Variants in ARHGAP24 observed in about 807,000 individuals in gnomAD.
The protein encoded by ARHGAP24 is Rho GTPase activating protein 24, also known as rho GTPase-activating protein 24.
ARHGAP24 carries 50 observed loss-of-function variants against 76.4 expected under a neutral mutation model. The ratio of observed to expected loss-of-function variants is 0.65; its 90% CI spans 0.52 to 0.83. ARHGAP24 has a LOEUF of 0.83. ARHGAP24 is among the 40% of genes least tolerant of loss of function. ARHGAP24 has a pLI of 0.00. For missense variants in ARHGAP24, 930 were observed against 914.2 expected (o/e 1.02, Z -0.22); for synonymous variants, 345 against 323.3 (o/e 1.07, Z -0.72).
intron 3 of ARHGAP24, among the ~76,000 whole-genome samples, chr4:85,878,507 G>A (rs1297112423): frequency 6.6e-6 from 1 of 151,914 alleles, no homozygotes; most frequent in Non-Finnish European, 1.5e-5. Context: ...TAAGACCCCT[G>A]TTGATAAAAA....
rs76542985 is a variant in ARHGAP24 at position 85,697,576 on chromosome 4, G to C, written c.181-24309G>C. 2.9e-3 allele frequency among the ~76,000 whole-genome samples: 441 copies of C among 152,354 alleles called. 5 individuals are homozygous for C. The highest frequency in any genetic ancestry group is 0.01 in the African/African-American group (428 of 41,572). ...TAACATACTGCTGGCAGTAAGCTCA[G>C]CTGTGTAGCAGATAGTGAATAGGAT... On this transcript the variant is annotated intron_variant, in intron 2 of 9. Transcript: ENST00000395184.
chr4:85,912,301 T>C (rs1042482602), intron 3 of ARHGAP24, among the ~76,000 whole-genome samples: 11 of 152,054 alleles, frequency 7.2e-5, no homozygotes, highest in African/African-American at 2.7e-4. Flanking sequence ...GAGTTTAAAT[T>C]CCAGGCCCAT....
At chr4:85,579,267 T>C (rs1051588716) in intron 2 of ARHGAP24, among the ~76,000 whole-genome samples, 1 of 152,210 alleles carries the variant, frequency 6.6e-6, no homozygotes, top group Non-Finnish European at 1.5e-5. Context: ...ATTCAATATA[T>C]GGAACCAGGT....
intron 1 of ARHGAP24, among the ~76,000 whole-genome samples, chr4:85,566,423 T>TGAAATGCCC (rs1726847666): frequency 6.6e-6 from 1 of 152,240 alleles, no homozygotes; most frequent in Non-Finnish European, 1.5e-5. Flanking sequence ...TTTCAGGTTC[T>TGAAATGCCC]TTCAAGTGTA....
chr4:85,588,697 T>C (rs1024257820), intron 2 of ARHGAP24, among the ~76,000 whole-genome samples: 3 of 152,258 alleles, frequency 2.0e-5, no homozygotes, highest in Admixed American at 1.3e-4. Flanking sequence ...TATTGACTTC[T>C]ACTTTTCTTT....
At chr4:85,541,274 C>T (rs550381123) in intron 1 of ARHGAP24, among the ~76,000 whole-genome samples, 6 of 136,348 alleles carry the variant, frequency 4.4e-5, no homozygotes, top group Non-Finnish European at 9.0e-5. Flanking sequence ...CTGCCTCAGC[C>T]TCCCAAGTAG....
intron 3 of ARHGAP24, among the ~76,000 whole-genome samples, chr4:85,731,348 T>C (rs1293103039): frequency 1.3e-5 from 2 of 152,212 alleles, no homozygotes; most frequent in African/African-American, 4.8e-5. Flanking sequence ...GTCTGTGTTC[T>C]CTTCCTTCCC....
At chr4:85,766,983 C>A (rs1726952691) in intron 3 of ARHGAP24, among the ~76,000 whole-genome samples, 1 of 152,130 alleles carries the variant, frequency 6.6e-6, no homozygotes. Flanking sequence ...TGTTTGGATA[C>A]ACAGTATTTA....
intron 1 of ARHGAP24, among the ~76,000 whole-genome samples, chr4:85,540,132 C>T (rs1725620354): frequency 6.6e-6 from 1 of 151,584 alleles, no homozygotes; most frequent in Non-Finnish European, 1.5e-5. Flanking sequence ...ATTTTTAAAC[C>T]ACTCATCACA....
chr4:85,764,164 C>G (rs1366377287), intron 3 of ARHGAP24, among the ~76,000 whole-genome samples: 6 of 151,952 alleles, frequency 3.9e-5, no homozygotes, highest in Non-Finnish European at 7.4e-5. Flanking sequence ...CTTTTACCAC[C>G]AAGAAATCTC....
chr4:85,577,068 AAATT>A (rs1295606679), intron 2 of ARHGAP24, among the ~76,000 whole-genome samples: 4 of 151,738 alleles, frequency 2.6e-5, no homozygotes, highest in Non-Finnish European at 4.4e-5. Context: ...GTATTTTTAT[AAATT>A]AATATGAGAA....
chr4:85,850,402 C>T (rs149281050), intron 3 of ARHGAP24, among the ~76,000 whole-genome samples: 17,404 of 152,074 alleles, frequency 0.11, 1,002 homozygotes, highest in Middle Eastern at 0.14. Context: ...AAAACCAGTT[C>T]GTGGATTCAT....
At chr4:85,740,224 GTT>G (rs35165918) in intron 3 of ARHGAP24, among the ~76,000 whole-genome samples, 66 of 144,504 alleles carry the variant, frequency 4.6e-4, no homozygotes, top group Non-Finnish European at 6.3e-4. Flanking sequence ...TGTTGTTGGG[GTT>G]TTTTTTTTTT....
chr4:85,531,678 C>T (rs1725264634), intron 1 of ARHGAP24, among the ~76,000 whole-genome samples: 1 of 151,746 alleles, frequency 6.6e-6, no homozygotes, highest in Admixed American at 6.6e-5. Flanking sequence ...CATATAATTC[C>T]CATATTTATG....
At chr4:85,955,042 T>C (rs1232371319) in intron 5 of ARHGAP24, among the ~76,000 whole-genome samples, 1 of 152,148 alleles carries the variant, frequency 6.6e-6, no homozygotes, top group Non-Finnish European at 1.5e-5. Flanking sequence ...TAATAAAATG[T>C]TTGAGTGTTT....
In ARHGAP24 at chr4:86,000,840, G is replaced by A. The variant is rs1740980842; in HGVS notation, c.*118G>A. 1 of 1,448,542 alleles carries A rather than the reference G, an allele frequency of 6.9e-7. No homozygotes were observed. Among genetic ancestry groups the A allele is most frequent in the Admixed American group, 2.0e-5 (1 of 50,990 alleles). 89.7% of individuals were successfully genotyped at this position (1,448,542 alleles called of 1,614,324 possible). ...ATGTACAGAAGTCTAACTGGTGAAGGAATATCATTTACAGACATTAAACAT... is the reference window on the plus strand; with the variant it reads ...ATGTACAGAAGTCTAACTGGTGAAGAAATATCATTTACAGACATTAAACAT... On this transcript the variant is annotated 3_prime_UTR_variant, in exon 10 of 10. Transcript: ENST00000395184.
intron 4 of ARHGAP24, among the ~76,000 whole-genome samples, chr4:85,940,006 T>A (rs1736866622): frequency 6.6e-6 from 1 of 152,170 alleles, no homozygotes. Context: ...CTTAATTTTG[T>A]CAGGATAGAG....
intron 9 of ARHGAP24, among the ~76,000 whole-genome samples, chr4:85,997,923 C>T (rs1367888537): frequency 1.3e-5 from 2 of 152,232 alleles, no homozygotes; most frequent in East Asian, 3.9e-4. Flanking sequence ...TCCCAAAGTG[C>T]TGGGGTTACA....
At position 85,731,023 on chromosome 4, in the gene ARHGAP24, CACACAGAG is replaced by C. The variant is rs765940784; in HGVS notation, c.268+9053_268+9060del. Among the ~76,000 whole-genome samples the C allele has an allele frequency of 4.3e-3, 470 of 109,578 alleles. 2 individuals are homozygous for C. The highest frequency in any genetic ancestry group is 0.011 in the African/African-American group (364 of 32,378). 71.9% of individuals were successfully genotyped at this position (109,578 alleles called of 152,430 possible). A position where few individuals can be genotyped will look rare whatever the true frequency, so the allele number is the denominator to read the frequency against. The stretch of plus-strand genomic sequence containing the variant: ...ACACACACACACACACACACACACA[CACACAGAG>C]AGAGAGACTGGGCATGTGTGTGTGT... On this transcript the variant is annotated intron_variant, in intron 3 of 9. Coordinates refer to ENST00000395184, the MANE Select transcript of ARHGAP24 (RefSeq NM_001025616.3).
Sources: gnomAD v4.1 joint callset for allele counts (sites outside exome capture counted in the v4.1 genomes callset) on GRCh38, gnomAD v4.1.1 for gene constraint, MANE v1.5 for transcripts, NCBI Gene and HGNC (gene_info 2026-07-23, HGNC 2026-07-21) for gene names.